Variants in ZNF614 observed in about 807,000 individuals in gnomAD.
The protein encoded by ZNF614 is zinc finger protein 614.
ZNF614 carries 11 observed loss-of-function variants against 12.8 expected under a neutral mutation model. The ratio of observed to expected loss-of-function variants is 0.86; its 90% CI spans 0.54 to 1.43. The LOEUF (loss-of-function observed/expected upper bound fraction) is 1.43. Among genes scored for constraint, ZNF614 ranks in the 40% most tolerant of loss-of-function variants. ZNF614 has a pLI of 0.00. For missense variants in ZNF614, 664 were observed against 708.8 expected (o/e 0.94, Z 0.72); for synonymous variants, 237 against 237.5 (o/e 1.00, Z 0.02).
chr19:52,016,043 C>T lies in ZNF614; in HGVS notation c.1555G>A (p.Ala519Thr). 5 of 1,614,170 alleles carry T rather than the reference C, an allele frequency of 3.1e-6. No individual in the cohort carries two copies. Among genetic ancestry groups the T allele is most frequent in the Non-Finnish European group, 4.2e-6 (5 of 1,180,028 alleles). ...KPYECNECGK[A>T]FTTKSVLNVH... is the part of the protein sequence containing the mutation. ...TTGAGTACTGACTTTGTGGTGAAGG[C>T]TTTTCCACATTCATTGCACTCATAA... Residue 519 changes from alanine (A) to threonine (T), a missense_variant, in exon 5 of 5, where the codon GCC (alanine) becomes ACC (threonine). Ala to Thr is a moderately conservative substitution (Grantham distance 58, BLOSUM62 0). Coordinates refer to ENST00000270649, the MANE Select transcript of ZNF614 (RefSeq NM_025040.4).
intron 1 of ZNF614, among the ~76,000 whole-genome samples, chr19:52,027,033 G>A (rs575559011): frequency 1.3e-5 from 2 of 152,320 alleles, no homozygotes; most frequent in East Asian, 1.9e-4. Context: ...GTGCCAGCGT[G>A]GGTCCTCCGT....
chr19:52,018,129 A>G (rs771617132), intron 3 of ZNF614, 26 bp from the exon 4 acceptor site: 2 of 1,591,500 alleles, frequency 1.3e-6, no homozygotes, highest in Non-Finnish European at 1.7e-6. Flanking sequence ...GACAAACACA[A>G]ACATCCTGAA....
intron 4 of ZNF614, 156 bp from the exon 5 acceptor site, chr19:52,017,515 A>C: frequency 1.6e-6 from 1 of 632,312 alleles, no homozygotes; most frequent in Non-Finnish European, 2.6e-6. Flanking sequence ...CAGCCTGACC[A>C]ATGTGGTGAA....
In ZNF614 at chr19:52,015,992, C is replaced by A; in HGVS notation, c.1606G>T (p.Glu536Ter). The change falls in exon 5 of 5, where the codon GAG becomes TAG. Residue 536 changes from glutamate to a stop codon, truncating the protein, a stop_gained. Coordinates refer to ENST00000270649, the MANE Select transcript of ZNF614 (RefSeq NM_025040.4). LOFTEE classifies it low-confidence loss of function (END_TRUNC). ...LNVHQRTHTG[E>*]RPYGCSDCEK... The stretch of plus-strand genomic sequence containing the variant: ...CAATCACTGCATCCATACGGCCTCT[C>A]TCCTGTATGCGTTCTTTGATGTACA... The A allele has an allele frequency of 6.2e-7, 1 of 1,614,214 alleles. No homozygotes were observed. The highest frequency in any genetic ancestry group is 1.1e-5 in the South Asian group (1 of 91,082).
chr19:52,021,361 G>C (rs1211951058), intron 2 of ZNF614, among the ~76,000 whole-genome samples: 1 of 136,098 alleles, frequency 7.3e-6, no homozygotes, highest in Non-Finnish European at 1.6e-5. Context: ...CACAGAAAGT[G>C]TGAGATTTTT....
intron 2 of ZNF614, among the ~76,000 whole-genome samples, chr19:52,019,824 C>A (rs1260601946): frequency 6.6e-6 from 1 of 152,152 alleles, no homozygotes; most frequent in Admixed American, 6.5e-5. Flanking sequence ...CAGAGAACTG[C>A]AGAGTGTGAA....
chr19:52,027,700 T>C (rs1287689964), intron 1 of ZNF614, among the ~76,000 whole-genome samples: 1 of 152,144 alleles, frequency 6.6e-6, no homozygotes. Context: ...TAAGGGTGTA[T>C]ATATAAGAAT....
At chr19:52,024,967 A>G (rs533370232) in intron 2 of ZNF614, among the ~76,000 whole-genome samples, 28 of 152,286 alleles carry the variant, frequency 1.8e-4, no homozygotes, top group Non-Finnish European at 3.7e-4. Flanking sequence ...TGCAGTTGAG[A>G]TAAGAGGAAG....
At position 52,015,968 on chromosome 19, in the gene ZNF614, A is replaced by C. The variant is rs1178858393; in HGVS notation, c.1630T>G (p.Cys544Gly). 6.2e-7 allele frequency: 1 copy of C among 1,614,108 alleles called. No homozygotes were observed. Among genetic ancestry groups the C allele is most frequent in the Non-Finnish European group, 8.5e-7 (1 of 1,180,040 alleles). The change falls in exon 5 of 5, where the codon TGT becomes GGT. Residue 544 changes from cysteine to glycine, a missense_variant. Cys to Gly is a radical substitution (Grantham distance 159). Coordinates refer to ENST00000270649, the MANE Select transcript of ZNF614 (RefSeq NM_025040.4). The stretch of plus-strand genomic sequence containing the variant: ...GATAAGTGGGAGAAGGCTTTCTCAC[A>C]ATCACTGCATCCATACGGCCTCTCT... ...TGERPYGCSD[C>G]EKAFSHLSNL...
At chr19:52,026,530 G>T (rs538698315) in intron 1 of ZNF614, among the ~76,000 whole-genome samples, 1 of 152,274 alleles carries the variant, frequency 6.6e-6, no homozygotes, top group Non-Finnish European at 1.5e-5. Flanking sequence ...CTCTGCCTAG[G>T]AAAACCAGGT....
chr19:52,017,729 G>C (rs959401801), intron 4 of ZNF614: 23 of 353,348 alleles, frequency 6.5e-5, no homozygotes, highest in Admixed American at 2.6e-4. Context: ...CTTAGCTTAT[G>C]AGATGATTTG....
chr19:52,023,173 A>AT (rs199732557), intron 2 of ZNF614, among the ~76,000 whole-genome samples: 28,246 of 141,394 alleles, frequency 0.2, 3,043 homozygotes, highest in East Asian at 0.39. Flanking sequence ...AATAAATAAA[A>AT]TTTTTTTTTT....
At chr19:52,025,342 A>G (rs1235285551) in intron 2 of ZNF614, among the ~76,000 whole-genome samples, 1 of 151,992 alleles carries the variant, frequency 6.6e-6, no homozygotes, top group East Asian at 1.9e-4. Context: ...TCTTTTTGAG[A>G]CAGGGTCTTA....
chr19:52,018,441 C>G lies in ZNF614; in HGVS notation c.69G>C (p.Gln23His), dbSNP rs776691239. The G allele has an allele frequency of 1.2e-6, 2 of 1,614,158 alleles. No homozygotes were observed. The highest frequency in any genetic ancestry group is 1.7e-6 in the Non-Finnish European group (2 of 1,179,982). The change falls in exon 3 of 5, where the codon CAG (glutamine) becomes CAC (histidine). Residue 23 changes from glutamine to histidine, a missense_variant. Coordinates refer to ENST00000270649, the MANE Select transcript of ZNF614 (RefSeq NM_025040.4). ...VAVEFSWEEW[Q>H]LLDTAQKNLY... Reference sequence around the variant, plus strand: ...GGTTCTTCTGAGCAGTGTCCAGGAGCTGCCACTCCTCCCAGCTGAATTCCA... The same window carrying G: ...GGTTCTTCTGAGCAGTGTCCAGGAGGTGCCACTCCTCCCAGCTGAATTCCA...
In ZNF614 at chr19:52,014,256, T is replaced by C. The variant is rs1196866793; in HGVS notation, c.*1584A>G. The C allele has an allele frequency of 6.6e-6, 1 of 152,106 alleles. No individual in the cohort carries two copies. The highest frequency in any genetic ancestry group is 2.4e-5 in the African/African-American group (1 of 41,398). 9.4% of individuals were successfully genotyped at this position (152,106 alleles called of 1,614,324 possible). On this transcript the variant is annotated 3_prime_UTR_variant, in exon 5 of 5. Transcript: ENST00000270649. The stretch of plus-strand genomic sequence containing the variant: ...GTTCTACAATTCAATTCTGAACAAC[T>C]GGGTGTTCTATAATTCAATTCTGAC...
chr19:52,022,542 G>A (rs889666444), intron 2 of ZNF614, among the ~76,000 whole-genome samples: 1 of 149,366 alleles, frequency 6.7e-6, no homozygotes, highest in Non-Finnish European at 1.5e-5. Flanking sequence ...TTGCATTTTC[G>A]ACATTAAAGT....
chr19:52,017,902 T>C (rs62107521), intron 4 of ZNF614, 106 bp downstream of exon 4: 92 of 738,664 alleles, frequency 1.2e-4, no homozygotes, highest in Non-Finnish European at 1.8e-4. Context: ...GATGAATATA[T>C]AGTGGAGCTG....
Position 52,025,787 on chromosome 19 carries a change from C to G in ZNF614, c.-42G>C, listed in dbSNP as rs768962855. On this transcript the variant is annotated 5_prime_UTR_variant, in exon 2 of 5. Coordinates refer to ENST00000270649, the MANE Select transcript of ZNF614 (RefSeq NM_025040.4). ...AAAATAGTGGATAACATGGACTATA[C>G]GTCTTTGTCTCTTCTGCATTTGCCA... The G allele has an allele frequency of 6.2e-7, 1 of 1,603,736 alleles. No homozygotes were observed. Among genetic ancestry groups the G allele is most frequent in the South Asian group, 1.1e-5 (1 of 89,666 alleles).
chr19:52,018,536 T>C (rs2086915224), intron 2 of ZNF614, 42 bp from the exon 3 acceptor site: 2 of 1,566,676 alleles, frequency 1.3e-6, no homozygotes, highest in South Asian at 1.2e-5. Context: ...TAAACTCCTA[T>C]TGTTAATATA....
Sources: allele counts gnomAD v4.1 joint callset (sites outside exome capture counted in the v4.1 genomes callset), GRCh38; gene constraint gnomAD v4.1.1; transcripts MANE v1.5; gene names NCBI Gene and HGNC (gene_info 2026-07-23, HGNC 2026-07-21).